TENM2: variants seen among roughly 807,000 people sequenced by gnomAD.
TENM2 encodes teneurin-2.
Under a neutral mutation model 245.2 loss-of-function variants are expected in TENM2, and 52 were observed. The observed-to-expected ratio is 0.21, with a 90% CI of 0.17 to 0.27. The LOEUF (loss-of-function observed/expected upper bound fraction) is 0.27. Among genes scored for constraint, TENM2 ranks in the 10% least tolerant of loss-of-function variants. The pLI, the probability that TENM2 is intolerant of heterozygous loss-of-function variation, is 1.00. For synonymous variants in TENM2, 1,363 were observed against 1,438.9 expected, an observed-to-expected ratio of 0.95 and a Z score of 1.19; for missense variants, 3,046 against 3,666.8, an observed-to-expected ratio of 0.83 and a Z score of 4.37.
chr5:167,554,872 C>T (rs1364658208), intron 2 of TENM2, among the ~76,000 whole-genome samples: 1 of 152,188 alleles, frequency 6.6e-6, no homozygotes, highest in Non-Finnish European at 1.5e-5. Flanking sequence ...GCTCCTCCTC[C>T]TCCTCCTCCT....
intron 2 of TENM2, among the ~76,000 whole-genome samples, chr5:167,660,959 A>G (rs920288004): frequency 4.3e-4 from 65 of 152,294 alleles, no homozygotes; most frequent in African/African-American, 1.5e-3. Flanking sequence ...TGTATGAAAA[A>G]CTTAGTTGTT....
At chr5:167,096,932 G>T in the TENM2 span, among the ~76,000 whole-genome samples, 1 of 152,046 alleles carries the variant, frequency 6.6e-6, no homozygotes, top group Non-Finnish European at 1.5e-5. Context: ...AAATTGTTTG[G>T]TTTTTCTCTT....
At chr5:167,991,211 G>A (rs1168412627) in intron 4 of TENM2, among the ~76,000 whole-genome samples, 1 of 152,218 alleles carries the variant, frequency 6.6e-6, no homozygotes, top group Admixed American at 6.5e-5. Context: ...AAGACATCAA[G>A]AGAAAGGAAA....
At chr5:167,879,116 A>T (rs1773671304) in intron 3 of TENM2, among the ~76,000 whole-genome samples, 2 of 152,210 alleles carry the variant, frequency 1.3e-5, no homozygotes, top group African/African-American at 4.8e-5. Context: ...TGGGACATAA[A>T]CTACAGGAAC....
intron 4 of TENM2, among the ~76,000 whole-genome samples, chr5:167,975,452 A>AT (rs34381656): frequency 0.034 from 4,958 of 144,428 alleles, 221 homozygotes; most frequent in African/African-American, 0.11. Context: ...TCTTAGTGGC[A>AT]TTTTTTTTTT....
chr5:168,118,813 C>T (rs899899373), intron 10 of TENM2, among the ~76,000 whole-genome samples: 74 of 152,070 alleles, frequency 4.9e-4, no homozygotes, highest in Non-Finnish European at 2.9e-5. Flanking sequence ...TCCTCCTCCC[C>T]TTCCTTCTCT....
chr5:167,205,803 G>A, the TENM2 span, among the ~76,000 whole-genome samples: 2 of 152,116 alleles, frequency 1.3e-5, no homozygotes, highest in Non-Finnish European at 2.9e-5. Flanking sequence ...TGGAGCTCTG[G>A]GAAAGGATCT....
chr5:168,169,045 G>T (rs1277053727), intron 13 of TENM2, among the ~76,000 whole-genome samples: 1 of 152,184 alleles, frequency 6.6e-6, no homozygotes, highest in Non-Finnish European at 1.5e-5. Flanking sequence ...TATTATTACA[G>T]TCCAGCATGT....
At chr5:167,393,902 TTGGCTGAGAAGTGTC>T (rs2127369379) in intron 2 of TENM2, among the ~76,000 whole-genome samples, 1 of 152,302 alleles carries the variant, frequency 6.6e-6, no homozygotes, top group African/African-American at 2.4e-5. Flanking sequence ...TCTGGATGTA[TTGGCTGAGAAGTGTC>T]TGCAAACAAT....
intron 2 of TENM2, among the ~76,000 whole-genome samples, chr5:167,763,545 A>C (rs1762812440): frequency 6.6e-6 from 1 of 152,188 alleles, no homozygotes; most frequent in Non-Finnish European, 1.5e-5. Flanking sequence ...CAAAGAAAAG[A>C]AAAAAAGATG....
chr5:167,460,913 A>G (rs1766255825), intron 2 of TENM2, among the ~76,000 whole-genome samples: 1 of 152,160 alleles, frequency 6.6e-6, no homozygotes, highest in African/African-American at 2.4e-5. Context: ...AATGAACTGC[A>G]GTTGCTGATC....
the TENM2 span, among the ~76,000 whole-genome samples, chr5:167,163,370 C>T: frequency 1.2e-4 from 19 of 152,214 alleles, no homozygotes; most frequent in Middle Eastern, 6.8e-3. Context: ...GGATTACAGG[C>T]GTGAGAGCGT....
In TENM2 at chr5:168,118,491, G is replaced by A. The variant is rs775136755; in HGVS notation, c.2008+5G>A. The A allele has an allele frequency of 6.6e-7, 1 of 1,510,770 alleles. No homozygotes were observed. The highest frequency in any genetic ancestry group is 1.3e-5 in the South Asian group (1 of 74,942). 93.6% of individuals were successfully genotyped at this position (1,510,770 alleles called of 1,614,324 possible). On this transcript the variant is annotated splice_donor_5th_base_variant and intron_variant, in intron 10 of 28. Coordinates refer to ENST00000518659, the Ensembl canonical transcript of TENM2. The stretch of plus-strand genomic sequence containing the variant: ...AAGGCGAGCACTGTGAGGAAGGTAA[G>A]CCCGCCGGCCCCGGGGCTAGGCAGC...
At chr5:167,983,624 A>G (rs1783012209) in intron 4 of TENM2, among the ~76,000 whole-genome samples, 1 of 152,210 alleles carries the variant, frequency 6.6e-6, no homozygotes, top group South Asian at 2.1e-4. Flanking sequence ...GAACTATGAT[A>G]TAAAATGGAC....
At chr5:167,321,813 C>CG (rs796984665) in intron 1 of TENM2, among the ~76,000 whole-genome samples, 2 of 3,584 alleles carry the variant, frequency 5.6e-4, no homozygotes, top group East Asian at 0.011. Context: ...GGGGGGGGGG[C>CG]GGGGGGGGGG....
At chr5:167,770,471 C>G (rs1020905838) in intron 2 of TENM2, among the ~76,000 whole-genome samples, 1 of 152,092 alleles carries the variant, frequency 6.6e-6, no homozygotes, top group Non-Finnish European at 1.5e-5. Context: ...CTTTTTATAC[C>G]AACCTTAGTG....
chr5:167,081,378 C>T, the TENM2 span, among the ~76,000 whole-genome samples: 2 of 151,960 alleles, frequency 1.3e-5, no homozygotes, highest in East Asian at 1.9e-4. Flanking sequence ...ACTGAGTGTT[C>T]TTTGTGTGCC....
chr5:168,000,072 C>T (rs12187735), intron 5 of TENM2, among the ~76,000 whole-genome samples: 13,823 of 152,264 alleles, frequency 0.091, 1,110 homozygotes, highest in East Asian at 0.43. Context: ...AGCAGTCATC[C>T]ATCCAGAAGC....
chr5:167,477,445 G>A lies in TENM2; in HGVS notation c.502+101972G>A, dbSNP rs1001826268. On this transcript the variant is annotated intron_variant, in intron 2 of 28. Coordinates refer to ENST00000518659, the Ensembl canonical transcript of TENM2. Reference sequence around the variant, plus strand: ...CAGGCCCTGTTGGCGGGTGGGGGGGGAGGTCTCAGACTATGCTTGAGGAAC... The same window carrying A: ...CAGGCCCTGTTGGCGGGTGGGGGGGAAGGTCTCAGACTATGCTTGAGGAAC... 4.0e-5 allele frequency among the ~76,000 whole-genome samples: 6 copies of A among 149,912 alleles called. No individual in the cohort carries two copies. In the East Asian group the frequency reaches 7.8e-4, roughly 20 times the overall value.
Sources: gnomAD v4.1 joint callset for allele counts (sites outside exome capture counted in the v4.1 genomes callset) on GRCh38, gnomAD v4.1.1 for gene constraint, MANE v1.5 for transcripts, NCBI Gene and HGNC (gene_info 2026-07-23, HGNC 2026-07-21) for gene names.